Variants in TMEM233 observed in about 807,000 individuals in gnomAD.
TMEM233 encodes transmembrane protein 233.
A neutral mutation model predicts 11.2 loss-of-function variants in TMEM233; 6 were observed. That is an observed-to-expected ratio of 0.54 (90% confidence interval 0.29 to 1.06). The LOEUF is 1.06. Among genes scored for constraint, TMEM233 ranks in the 50% least tolerant of loss-of-function variants. The pLI is 0.08. For missense variants in TMEM233, 127 were observed against 144.7 expected (o/e 0.88, Z 0.63); for synonymous variants, 59 against 55.8 (o/e 1.06, Z -0.26).
At chr12:119,644,541 G>C (rs1169140911), downstream of TMEM233, among the ~76,000 whole-genome samples, 1 of 144,588 alleles carries the variant, frequency 6.9e-6, no homozygotes, top group South Asian at 2.2e-4. Context: ...GCAATGGCAC[G>C]ATCTCTGCTC....
At position 119,595,964 on chromosome 12, in the gene TMEM233, G is replaced by GTGGTAGAT. The variant is rs1954037596; in HGVS notation, c.186+1931_186+1938dup. Among the ~76,000 whole-genome samples, 1 of 152,186 alleles carries GTGGTAGAT rather than the reference G, an allele frequency of 6.6e-6. No individual in the cohort carries two copies. Among genetic ancestry groups the GTGGTAGAT allele is most frequent in the South Asian group, 2.1e-4 (1 of 4,828 alleles). On this transcript the variant is annotated intron_variant, in intron 1 of 2. Transcript: ENST00000426426. The surrounding 1 kb of genome is among the most constrained non-coding windows in gnomAD (Gnocchi z 4.3). The stretch of plus-strand genomic sequence containing the variant: ...CAGCATCTAGAAGAAAATGTGGCAC[G>GTGGTAGAT]TGGTAGATGCTTAATAAGTATCATG...
chr12:119,622,969 G>A (rs1010321050), intron 1 of TMEM233, among the ~76,000 whole-genome samples: 1 of 152,176 alleles, frequency 6.6e-6, no homozygotes, highest in African/African-American at 2.4e-5. Context: ...CAAGATGCCA[G>A]AGTGGCAGCA....
downstream of TMEM233, among the ~76,000 whole-genome samples, chr12:119,644,121 G>A (rs552281060): frequency 3.9e-5 from 6 of 152,268 alleles, no homozygotes; most frequent in South Asian, 1.2e-3. Flanking sequence ...ACCAGAAACC[G>A]ACCTATCAAA....
rs1034858746 is a variant in TMEM233, at chr12:119,614,023, C to T, written c.187-15713C>T. ...AACGAGATAGGAGAGCCTGCAGGGG[C>T]CACTCCTGCAGGGTTGGGAAGGGCA... is the stretch of plus-strand genomic sequence containing the variant. On this transcript the variant is annotated intron_variant, in intron 1 of 2. Coordinates refer to ENST00000426426, the MANE Select transcript of TMEM233 (RefSeq NM_001136534.3). Among the ~76,000 whole-genome samples, 6 of 151,884 alleles carry T rather than the reference C, an allele frequency of 4.0e-5. 1 individual carries two copies. In the South Asian group the frequency reaches 8.4e-4, roughly 21 times the overall value.
chr12:119,653,414 T>C, the TMEM233 span, among the ~76,000 whole-genome samples: 3 of 91,478 alleles, frequency 3.3e-5, no homozygotes, highest in African/African-American at 1.2e-4. Context: ...AAAAAAAAAT[T>C]AATCACTAAA....
At position 119,594,437 on chromosome 12, in the gene TMEM233, TA is replaced by T. The variant is rs1953989219; in HGVS notation, c.186+405del. Reference sequence around the variant, plus strand: ...GTGCGCGCCACCCTAGCGAGCGCAGTAAGCTCATACCCCGAGCATGCAGGCT... The same window carrying T: ...GTGCGCGCCACCCTAGCGAGCGCAGTAGCTCATACCCCGAGCATGCAGGCT... On this transcript the variant is annotated intron_variant, in intron 1 of 2. Transcript: ENST00000426426. The surrounding 1 kb of genome is among the most constrained non-coding windows in gnomAD (Gnocchi z 5.6). The T allele has an allele frequency of 5.3e-6, 1 of 186,926 alleles. No homozygotes were observed. The highest frequency in any genetic ancestry group is 1.1e-5 in the Non-Finnish European group (1 of 89,892). 11.6% of individuals were successfully genotyped at this position (186,926 alleles called of 1,614,324 possible). A position where few individuals can be genotyped will look rare whatever the true frequency, so the allele number is the denominator to read the frequency against.
intron 2 of TMEM233, among the ~76,000 whole-genome samples, chr12:119,636,710 C>G (rs1324362152): frequency 3.3e-5 from 5 of 152,144 alleles, no homozygotes; most frequent in African/African-American, 1.2e-4. Flanking sequence ...AAAGAGTTGA[C>G]CAGGACAACA....
chr12:119,597,017 C>G (rs1293266494), intron 1 of TMEM233, among the ~76,000 whole-genome samples: 1 of 152,282 alleles, frequency 6.6e-6, no homozygotes, highest in Non-Finnish European at 1.5e-5. Context: ...AACAGTGTGT[C>G]CTACACCCTT....
At chr12:119,650,929 C>T in the TMEM233 span, among the ~76,000 whole-genome samples, 1 of 152,230 alleles carries the variant, frequency 6.6e-6, no homozygotes, top group Non-Finnish European at 1.5e-5. Context: ...AGGCACAAGC[C>T]ACTGCTCCCG....
At chr12:119,606,918 C>G (rs1227181384) in intron 1 of TMEM233, among the ~76,000 whole-genome samples, 1 of 152,144 alleles carries the variant, frequency 6.6e-6, no homozygotes, top group African/African-American at 2.4e-5. Context: ...TGTTACAGCA[C>G]AGTTAGGATA....
At chr12:119,601,500 CA>C (rs550331738) in intron 1 of TMEM233, among the ~76,000 whole-genome samples, 1 of 150,870 alleles carries the variant, frequency 6.6e-6, no homozygotes. Context: ...ACTAAAAATG[CA>C]AAAAAAATTA....
At chr12:119,619,209 G>A (rs1954595713) in intron 1 of TMEM233, among the ~76,000 whole-genome samples, 1 of 152,086 alleles carries the variant, frequency 6.6e-6, no homozygotes, top group African/African-American at 2.4e-5. Context: ...GTTTCCTGAG[G>A]CCTCCCCAGC....
chr12:119,640,680 CTCTG>C lies in TMEM233; in HGVS notation c.324-13_324-10del, dbSNP rs1566116662. ...CAGCCCACGGTCTTTCTCTCTCTCT[CTCTG>C]TCTGTACCACACAGTGCCTGAGGAA... On this transcript the variant is annotated splice_polypyrimidine_tract_variant and intron_variant, in intron 2 of 2. Coordinates refer to ENST00000426426, the MANE Select transcript of TMEM233 (RefSeq NM_001136534.3). 1 of 1,550,042 alleles carries C rather than the reference CTCTG, an allele frequency of 6.5e-7. No homozygotes were observed. The highest frequency in any genetic ancestry group is 2.4e-5 in the East Asian group (1 of 40,908).
intron 1 of TMEM233, among the ~76,000 whole-genome samples, chr12:119,601,682 GA>G (rs1421311901): frequency 6.8e-6 from 1 of 147,264 alleles, no homozygotes; most frequent in African/African-American, 2.5e-5. Context: ...AAAAAATAGT[GA>G]AAAGATGACT....
At chr12:119,617,903 T>C (rs937149768) in intron 1 of TMEM233, among the ~76,000 whole-genome samples, 6 of 152,208 alleles carry the variant, frequency 3.9e-5, no homozygotes, top group Non-Finnish European at 4.4e-5. Context: ...AGAAATCAAA[T>C]GTTAATCACC....
In TMEM233 at chr12:119,640,856, GAAAA is replaced by G; in HGVS notation, c.*165_*168del. ...AGGCAGGTCCCTGGCAAATGAACAA[GAAAA>G]AAAAAAAAAAAAAGTCCAAAATTTA... On this transcript the variant is annotated 3_prime_UTR_variant, in exon 3 of 3. Coordinates refer to ENST00000426426, the MANE Select transcript of TMEM233 (RefSeq NM_001136534.3). 1.5e-5 allele frequency: 6 copies of G among 392,824 alleles called. No homozygotes were observed. The highest frequency in any genetic ancestry group is 1.4e-4 in the East Asian group (3 of 21,356). 24.3% of individuals were successfully genotyped at this position (392,824 alleles called of 1,614,324 possible).
the TMEM233 span, among the ~76,000 whole-genome samples, chr12:119,651,008 C>A: frequency 6.6e-6 from 1 of 152,110 alleles, no homozygotes; most frequent in African/African-American, 2.4e-5. Flanking sequence ...TTTCTATGCA[C>A]AATAATTAAT....
rs949059779 is a variant in TMEM233, at chr12:119,642,600, T to G, written c.*1895T>G. On this transcript the variant is annotated 3_prime_UTR_variant, in exon 3 of 3. Transcript: ENST00000426426. ...GCCACTAACTAGCTATGCAAGCTGA[T>G]TTTAGGCAAGTTTCATAGCCTCTCT... 6.6e-6 allele frequency: 1 copy of G among 152,198 alleles called. No individual in the cohort carries two copies. Among genetic ancestry groups the G allele is most frequent in the African/African-American group, 2.4e-5 (1 of 41,462 alleles). 9.4% of individuals were successfully genotyped at this position (152,198 alleles called of 1,614,324 possible).
At chr12:119,597,782 T>C (rs1954076689) in intron 1 of TMEM233, among the ~76,000 whole-genome samples, 1 of 152,174 alleles carries the variant, frequency 6.6e-6, no homozygotes, top group Admixed American at 6.5e-5. Flanking sequence ...GACACAGAAG[T>C]GTTTCTTCCT....
Sources: gnomAD v4.1 joint callset for allele counts (sites outside exome capture counted in the v4.1 genomes callset) on GRCh38, gnomAD v4.1.1 for gene constraint, Gnocchi (gnomAD v3.1) non-coding constraint, MANE v1.5 for transcripts, NCBI Gene and HGNC (gene_info 2026-07-23, HGNC 2026-07-21) for gene names.